The following UNC79 variants were observed in gnomAD, a reference collection of about 807,000 sequenced individuals.
The protein encoded by UNC79 is unc-79 subunit of NALCN channel complex, also known as protein unc-79 homolog.
A neutral mutation model predicts 283.1 loss-of-function variants in UNC79; 37 were observed. The ratio of observed to expected loss-of-function variants is 0.13; its 90% CI spans 0.10 to 0.17. UNC79 has a LOEUF of 0.17. UNC79 is among the 10% of genes least tolerant of loss of function. The pLI is 1.00. For synonymous variants in UNC79, 1,107 were observed against 1,200.2 expected (o/e 0.92, Z 1.61); for missense variants, 2,272 against 3,211.1 (o/e 0.71, Z 7.07).
chr14:93,603,393 C>A, exon 26 of UNC79: 1 of 1,614,128 alleles, frequency 6.2e-7, no homozygotes, highest in South Asian at 1.1e-5. Context: ...CGCTCTCCCT[C>A]CCTGAGACCC....
chr14:93,525,381 G>A (rs955345031), intron 8 of UNC79, among the ~76,000 whole-genome samples: 2 of 152,034 alleles, frequency 1.3e-5, no homozygotes, highest in African/African-American at 4.8e-5. Flanking sequence ...CCAGGGAGGT[G>A]GAGGTTGCAG....
At chr14:93,431,666 G>T (rs1291833915) in intron 1 of UNC79, among the ~76,000 whole-genome samples, 1 of 152,186 alleles carries the variant, frequency 6.6e-6, no homozygotes, top group Non-Finnish European at 1.5e-5. Flanking sequence ...AGGAGCTCTG[G>T]GAAAATGACC....
At chr14:93,438,236 TG>T in intron 1 of UNC79, among the ~76,000 whole-genome samples, 1 of 152,294 alleles carries the variant, frequency 6.6e-6, no homozygotes, top group East Asian at 1.9e-4. Flanking sequence ...ATTTTAAATG[TG>T]AGTTTCACTA....
chr14:93,538,774 T>C (rs2061215162), intron 12 of UNC79, among the ~76,000 whole-genome samples: 1 of 133,408 alleles, frequency 7.5e-6, no homozygotes, highest in South Asian at 2.4e-4. Flanking sequence ...TCCTGCAGGC[T>C]ACTGGGTTTT....
chr14:93,586,665 C>T (rs1231296000), exon 21 of UNC79: 1 of 1,613,670 alleles, frequency 6.2e-7, no homozygotes. Flanking sequence ...CTAATATATA[C>T]CATTTTCCAG....
chr14:93,702,275 CAG>C (rs1407729592), intron 47 of UNC79, among the ~76,000 whole-genome samples: 3 of 152,024 alleles, frequency 2.0e-5, no homozygotes, highest in Admixed American at 6.6e-5. Context: ...GGTTGGGGGA[CAG>C]GGGGAGGCAT....
At chr14:93,605,306 C>T (rs1043242104) in intron 26 of UNC79, among the ~76,000 whole-genome samples, 14 of 152,090 alleles carry the variant, frequency 9.2e-5, no homozygotes, top group African/African-American at 2.4e-4. Context: ...TACATATCTG[C>T]TATAGGAAAA....
chr14:93,623,824 C>T (rs959864516), intron 30 of UNC79, among the ~76,000 whole-genome samples: 9 of 152,096 alleles, frequency 5.9e-5, no homozygotes, highest in African/African-American at 1.7e-4. Flanking sequence ...ACCTGGGAGG[C>T]GGAGGTTACA....
chr14:93,390,240 G>A (rs568936053), intron 1 of UNC79, among the ~76,000 whole-genome samples: 1 of 152,292 alleles, frequency 6.6e-6, no homozygotes, highest in South Asian at 2.1e-4. Context: ...CTCAATAGAT[G>A]TGGCAAACCA....
At chr14:93,577,784 A>G (rs558019185) in intron 17 of UNC79, 58 bp from the exon 18 acceptor site, 2 of 1,560,544 alleles carry the variant, frequency 1.3e-6, no homozygotes, top group East Asian at 4.5e-5. Flanking sequence ...CGAATATTTT[A>G]CACAGCAATT....
chr14:93,353,022 A>G (rs1414815015), intron 1 of UNC79, among the ~76,000 whole-genome samples: 1 of 152,184 alleles, frequency 6.6e-6, no homozygotes, highest in Non-Finnish European at 1.5e-5. Context: ...TGGGGGAATC[A>G]CATCTCTAAT....
At chr14:93,695,057 G>A (rs1034980126) in intron 47 of UNC79, among the ~76,000 whole-genome samples, 11 of 152,014 alleles carry the variant, frequency 7.2e-5, no homozygotes, top group African/African-American at 1.9e-4. Flanking sequence ...ATACAAAAAC[G>A]AAACAGTAGA....
At chr14:93,698,062 G>T (rs2075276445) in intron 47 of UNC79, among the ~76,000 whole-genome samples, 1 of 152,050 alleles carries the variant, frequency 6.6e-6, no homozygotes, top group Admixed American at 6.5e-5. Flanking sequence ...TTCTGTTATG[G>T]ATTTGTAGTT....
At position 93,507,440 on chromosome 14, in the gene UNC79, G is replaced by A. The variant is rs556810776; in HGVS notation, c.898+10154G>A. Among the ~76,000 whole-genome samples, 40 of 152,252 alleles carry A rather than the reference G, an allele frequency of 2.6e-4. No individual in the cohort carries two copies. In the South Asian group the frequency reaches 8.3e-3, roughly 32 times the overall value. ...AGCCATTCTGGTGAGTGTGTATCTT[G>A]TGGCTTTAATTTAAATTTCTTTGAT... On this transcript the variant is annotated intron_variant, in intron 7 of 48. Coordinates refer to ENST00000555664, the Ensembl canonical transcript of UNC79.
At chr14:93,574,857 G>T (rs950307052) in intron 16 of UNC79, among the ~76,000 whole-genome samples, 1 of 151,946 alleles carries the variant, frequency 6.6e-6, no homozygotes, top group Non-Finnish European at 1.5e-5. Flanking sequence ...GGATGCTGGG[G>T]GTGAGGAAAG....
chr14:93,493,124 G>T (rs1019441548), intron 5 of UNC79, among the ~76,000 whole-genome samples: 33 of 152,292 alleles, frequency 2.2e-4, no homozygotes, highest in Admixed American at 3.9e-4. Flanking sequence ...AGTCAGGAGG[G>T]CTTCTTTGAG....
chr14:93,443,043 G>C (rs973505666), intron 1 of UNC79, among the ~76,000 whole-genome samples: 6 of 152,070 alleles, frequency 3.9e-5, no homozygotes, highest in African/African-American at 1.4e-4. Context: ...GGCCAACATG[G>C]CAAAACCCTA....
At position 93,531,336 on chromosome 14, in the gene UNC79, C is replaced by T. The variant is rs1206181097; in HGVS notation, c.1094-1214C>T. Among the ~76,000 whole-genome samples, 1 of 152,146 alleles carries T rather than the reference C, an allele frequency of 6.6e-6. No individual in the cohort carries two copies. Among genetic ancestry groups the T allele is most frequent in the African/African-American group, 2.4e-5 (1 of 41,424 alleles). ...AGATTACCAGACAGGGTTTGGGAGACATTTACCTTTGATCTTTTAAATAAA... is the reference window on the plus strand; with the variant it reads ...AGATTACCAGACAGGGTTTGGGAGATATTTACCTTTGATCTTTTAAATAAA... On this transcript the variant is annotated intron_variant, in intron 10 of 48. Coordinates refer to ENST00000555664, the Ensembl canonical transcript of UNC79. The surrounding 1 kb of genome is among the most constrained non-coding windows in gnomAD (Gnocchi z 4.2).
intron 40 of UNC79, among the ~76,000 whole-genome samples, chr14:93,663,019 C>T (rs2071770540): frequency 6.6e-6 from 1 of 152,162 alleles, no homozygotes; most frequent in Non-Finnish European, 1.5e-5. Context: ...GACATGACCT[C>T]TTAAGGTCCT....
Sources: allele counts gnomAD v4.1 joint callset (sites outside exome capture counted in the v4.1 genomes callset), GRCh38; gene constraint gnomAD v4.1.1; non-coding constraint Gnocchi (gnomAD v3.1); transcripts MANE v1.5; gene names NCBI Gene and HGNC (gene_info 2026-07-23, HGNC 2026-07-21).